Variants in CSMD3 observed in about 807,000 individuals in gnomAD.
CSMD3 encodes the protein CUB and Sushi multiple domains 3.
Under a neutral mutation model 435.2 loss-of-function variants are expected in CSMD3, and 177 were observed. The observed-to-expected ratio is 0.41, with a 90% CI of 0.36 to 0.46. CSMD3 has a LOEUF of 0.46. Among genes scored for constraint, CSMD3 ranks in the 20% least tolerant of loss-of-function variants. The pLI, the probability that CSMD3 is intolerant of heterozygous loss-of-function variation, is 0.34. For missense variants in CSMD3, 4,265 were observed against 4,504.6 expected, an observed-to-expected ratio of 0.95 and a Z score of 1.52; for synonymous variants, 1,656 against 1,520.5, an observed-to-expected ratio of 1.09 and a Z score of -2.07.
chr8:112,904,429 A>G (rs2082197869), intron 10 of CSMD3, among the ~76,000 whole-genome samples: 1 of 151,458 alleles, frequency 6.6e-6, no homozygotes, highest in Non-Finnish European at 1.5e-5. Flanking sequence ...AAATAAATAC[A>G]TTTGAAAAAA....
intron 5 of CSMD3, among the ~76,000 whole-genome samples, chr8:113,058,685 T>C (rs2088462649): frequency 6.6e-6 from 1 of 152,004 alleles, no homozygotes; most frequent in African/African-American, 2.4e-5. Flanking sequence ...TTCCCTTAGG[T>C]ACTGTTTCTA....
chr8:112,945,586 A>ATG (rs1491548273), intron 9 of CSMD3, among the ~76,000 whole-genome samples: 19 of 100,482 alleles, frequency 1.9e-4, no homozygotes, highest in Admixed American at 1.1e-3. Context: ...GAATACAGAA[A>ATG]TATGTGTGTG....
chr8:113,071,782 A>T (rs978389340), intron 5 of CSMD3, among the ~76,000 whole-genome samples: 2 of 151,808 alleles, frequency 1.3e-5, no homozygotes, highest in African/African-American at 4.8e-5. Flanking sequence ...TTTCAAACTA[A>T]TTCTTTGAAG....
chr8:112,993,163 A>G (rs1383248004), intron 6 of CSMD3, among the ~76,000 whole-genome samples: 1 of 151,802 alleles, frequency 6.6e-6, no homozygotes. Flanking sequence ...GCTAATTGAA[A>G]CCAATGTTCC....
chr8:113,404,916 T>C (rs1254521276), intron 1 of CSMD3, among the ~76,000 whole-genome samples: 1 of 151,534 alleles, frequency 6.6e-6, no homozygotes, highest in African/African-American at 2.4e-5. Flanking sequence ...ATGTATGTGT[T>C]ATGTGCAAGA....
intron 7 of CSMD3, among the ~76,000 whole-genome samples, chr8:112,956,422 A>G (rs1263275086): frequency 6.6e-6 from 1 of 152,078 alleles, no homozygotes; most frequent in Admixed American, 6.6e-5. Context: ...TTTTAACAAA[A>G]TCTGCATTTT....
chr8:113,188,267 CA>C (rs1232518103), intron 3 of CSMD3, among the ~76,000 whole-genome samples: 1 of 151,916 alleles, frequency 6.6e-6, no homozygotes, highest in Non-Finnish European at 1.5e-5. Flanking sequence ...ATAATCAAGT[CA>C]GATATTATAC....
At position 112,976,187 on chromosome 8, in the gene CSMD3, T is replaced by C. The variant is rs1254427744; in HGVS notation, c.1031-39A>G. On this transcript the variant is annotated intron_variant, in intron 6 of 70. Transcript: ENST00000297405. ...TAGCACTAGATGCTAACTTTTTCTTTTTAAATTTTGTTTATTTTTTCTGAT... is the reference window on the plus strand; with the variant it reads ...TAGCACTAGATGCTAACTTTTTCTTCTTAAATTTTGTTTATTTTTTCTGAT... The C allele has an allele frequency of 3.7e-6, 6 of 1,607,678 alleles. No homozygotes were observed. The Admixed American group carries it at 1.0e-4, about 27-fold the overall frequency.
intron 1 of CSMD3, among the ~76,000 whole-genome samples, chr8:113,396,930 T>G (rs1391624694): frequency 6.6e-6 from 1 of 152,184 alleles, no homozygotes; most frequent in Non-Finnish European, 1.5e-5. Flanking sequence ...CTTCACTATT[T>G]TATTCCCAGC....
chr8:112,752,904 T>C (rs1297437004), intron 13 of CSMD3, among the ~76,000 whole-genome samples: 26 of 26,110 alleles, frequency 1.0e-3, no homozygotes, highest in Admixed American at 3.6e-3. Context: ...TTACCGCGTG[T>C]GTGTGTGTGT....
intron 2 of CSMD3, among the ~76,000 whole-genome samples, chr8:113,283,307 G>C (rs2093625192): frequency 6.6e-6 from 1 of 151,896 alleles, no homozygotes; most frequent in South Asian, 2.1e-4. Flanking sequence ...AACCCACAGA[G>C]TGTGAGAAAA....
At chr8:113,342,471 T>C (rs903432676) in intron 1 of CSMD3, among the ~76,000 whole-genome samples, 4 of 152,200 alleles carry the variant, frequency 2.6e-5, no homozygotes, top group Non-Finnish European at 2.9e-5. Flanking sequence ...AATAAAATTG[T>C]ATAAATGACT....
intron 4 of CSMD3, among the ~76,000 whole-genome samples, chr8:113,126,592 A>G (rs1265927660): frequency 6.6e-6 from 1 of 151,960 alleles, no homozygotes; most frequent in East Asian, 1.9e-4. Context: ...TTGATGAGAG[A>G]ATACAATTTG....
At chr8:112,320,023 T>C (rs759418846) in intron 45 of CSMD3, 42 bp from the exon 46 acceptor site, 2 of 1,312,270 alleles carry the variant, frequency 1.5e-6, no homozygotes, top group Non-Finnish European at 2.2e-6. Flanking sequence ...TCTGTGCAGC[T>C]ACATGTATTC....
chr8:112,820,824 C>A (rs1210603001), intron 12 of CSMD3, among the ~76,000 whole-genome samples: 1 of 152,056 alleles, frequency 6.6e-6, no homozygotes, highest in Admixed American at 6.6e-5. Context: ...CTCACCACCA[C>A]CGCCAACCAG....
At position 112,224,544 on chromosome 8, in the gene CSMD3, G is replaced by C; in HGVS notation, c.*227C>G. Reference sequence around the variant, plus strand: ...CCTTTTTAAAAAAAGCAAATAAACTGTGAGTAAGCACTCTCAGAGTGCAGC... The same window carrying C: ...CCTTTTTAAAAAAAGCAAATAAACTCTGAGTAAGCACTCTCAGAGTGCAGC... On this transcript the variant is annotated 3_prime_UTR_variant, in exon 71 of 71. Coordinates refer to ENST00000297405, the MANE Select transcript of CSMD3 (RefSeq NM_198123.2). The C allele has an allele frequency of 1.8e-6, 1 of 570,898 alleles. No individual in the cohort carries two copies. Among genetic ancestry groups the C allele is most frequent in the South Asian group, 2.1e-5 (1 of 48,510 alleles). 35.4% of individuals were successfully genotyped at this position (570,898 alleles called of 1,614,324 possible).
At chr8:113,319,535 T>TCAAGGC (rs2093934810) in intron 1 of CSMD3, among the ~76,000 whole-genome samples, 1 of 152,074 alleles carries the variant, frequency 6.6e-6, no homozygotes, top group African/African-American at 2.4e-5. Context: ...GATTGTTTCC[T>TCAAGGC]TTATTGTTCC....
At chr8:112,675,684 A>G (rs892202225) in intron 16 of CSMD3, among the ~76,000 whole-genome samples, 2 of 152,132 alleles carry the variant, frequency 1.3e-5, no homozygotes, top group African/African-American at 2.4e-5. Flanking sequence ...CAGTATCTGC[A>G]TGGGATCTGG....
intron 4 of CSMD3, among the ~76,000 whole-genome samples, chr8:113,130,013 C>G (rs933714111): frequency 6.6e-6 from 1 of 151,720 alleles, no homozygotes; most frequent in African/African-American, 2.4e-5. Context: ...ATGAATAATA[C>G]TATCATATTA....
Sources: gnomAD v4.1 joint callset for allele counts (sites outside exome capture counted in the v4.1 genomes callset) on GRCh38, gnomAD v4.1.1 for gene constraint, MANE v1.5 for transcripts, NCBI Gene and HGNC (gene_info 2026-07-23, HGNC 2026-07-21) for gene names.